ADGRD1: variants seen among roughly 807,000 people sequenced by gnomAD.
ADGRD1 encodes adhesion G protein-coupled receptor D1.
In ADGRD1, 77 loss-of-function variants were observed where a neutral mutation model predicts 113.4. That is an observed-to-expected ratio of 0.68 (90% CI 0.57 to 0.82). The LOEUF (loss-of-function observed/expected upper bound fraction) is 0.82. Ranked by LOEUF, ADGRD1 falls within the 40% of genes least tolerant of loss-of-function variation. The pLI is 0.00. For missense variants in ADGRD1, 1,036 were observed against 1,139.1 expected (o/e 0.91, Z 1.30); for synonymous variants, 474 against 475.0 (o/e 1.00, Z 0.03).
chr12:131,008,528 T>G (rs1220338356), intron 12 of ADGRD1, among the ~76,000 whole-genome samples: 1 of 152,204 alleles, frequency 6.6e-6, no homozygotes, highest in Non-Finnish European at 1.5e-5. Context: ...GAAGGAACTT[T>G]TGTCTCCACA....
chr12:131,015,893 C>T (rs1878515078), intron 13 of ADGRD1, among the ~76,000 whole-genome samples: 1 of 152,228 alleles, frequency 6.6e-6, no homozygotes, highest in Admixed American at 6.5e-5. Context: ...TGCTACTTAC[C>T]TATTCAAAGA....
rs1386519643 is a variant in ADGRD1 at position 131,139,240 on chromosome 12, C to T, written c.2602C>T (p.Arg868Cys). 13 of 1,612,818 alleles carry T rather than the reference C, an allele frequency of 8.1e-6. No homozygotes were observed. The highest frequency in any genetic ancestry group is 4.0e-5 in the African/African-American group (3 of 74,942). ...GGACAAGAGCAGCCACTCTGCCCAC[C>T]GCGTCGACCTGTCAGCCGTGTGAGC... ...PWDKSSHSAH[R>C]VDLSAV Residue 868 changes from arginine (R) to cysteine (C), a missense_variant, in exon 25 of 25, where the codon CGC becomes TGC. By Grantham distance (180) the Arg-to-Cys change is radical. Transcript: ENST00000261654.
chr12:131,089,533 GATACCCCCTGCCTGCAA>G (rs994079619), intron 15 of ADGRD1, among the ~76,000 whole-genome samples: 1 of 152,066 alleles, frequency 6.6e-6, no homozygotes, highest in African/African-American at 2.4e-5. Context: ...TTAACTGTTG[GATACCCCCTGCCTGCAA>G]GTGCTCCCTG....
intron 19 of ADGRD1, among the ~76,000 whole-genome samples, chr12:131,120,246 G>T (rs1281015684): frequency 1.3e-5 from 2 of 152,130 alleles, no homozygotes; most frequent in East Asian, 1.9e-4. Context: ...GGGACTCTTC[G>T]GCTCTTGACA....
chr12:131,073,014 C>T (rs570413983), intron 13 of ADGRD1, among the ~76,000 whole-genome samples: 2 of 152,232 alleles, frequency 1.3e-5, no homozygotes, highest in Non-Finnish European at 2.9e-5. Flanking sequence ...TGCCCCTGCT[C>T]TACTGGGCCA....
chr12:131,071,410 C>G (rs568980513), intron 13 of ADGRD1, among the ~76,000 whole-genome samples: 1 of 151,794 alleles, frequency 6.6e-6, no homozygotes, highest in South Asian at 2.1e-4. Context: ...GTGAGTGGGG[C>G]GAGGCCACTG....
At position 131,057,367 on chromosome 12, in the gene ADGRD1, C is replaced by T. The variant is rs916165572; in HGVS notation, c.1474-19434C>T. ...GTGGAGAAAAGGGGCCAGATGGCAG[C>T]GGAGCCGAGTCTGCGCTGCTGTGGC... On this transcript the variant is annotated intron_variant, in intron 13 of 24. Coordinates refer to ENST00000261654, the MANE Select transcript of ADGRD1 (RefSeq NM_198827.5). The surrounding 1 kb of genome is among the most constrained non-coding windows in gnomAD (Gnocchi z 4.2). Among the ~76,000 whole-genome samples, 7 of 152,146 alleles carry T rather than the reference C, an allele frequency of 4.6e-5. No individual in the cohort carries two copies. The highest frequency in any genetic ancestry group is 1.4e-4 in the African/African-American group (6 of 41,422).
rs376262792 is a variant in ADGRD1 at position 131,079,239 on chromosome 12, C to T, written c.1547+2365C>T. On this transcript the variant is annotated intron_variant, in intron 14 of 24. Transcript: ENST00000261654. ...GGGGTATTCCGTTACATGGATGTAC[C>T]GTAGTTTATTTATCTTCTCCCGAGT... Among the ~76,000 whole-genome samples, 55 of 152,204 alleles carry T rather than the reference C, an allele frequency of 3.6e-4. 1 individual carries two copies. In the South Asian group the frequency reaches 9.8e-3, roughly 27 times the overall value.
chr12:131,029,325 T>A (rs1880343610), intron 13 of ADGRD1, among the ~76,000 whole-genome samples: 1 of 152,146 alleles, frequency 6.6e-6, no homozygotes, highest in Non-Finnish European at 1.5e-5. Flanking sequence ...TGCCTCCCCC[T>A]CCTCTGCTCC....
intron 13 of ADGRD1, among the ~76,000 whole-genome samples, chr12:131,016,143 G>C (rs1878542933): frequency 1.3e-5 from 2 of 152,224 alleles, no homozygotes; most frequent in South Asian, 4.1e-4. Flanking sequence ...TCTGCGGCCT[G>C]CACAGAAGGG....
intron 13 of ADGRD1, 155 bp from the exon 14 acceptor site, chr12:131,076,646 G>A: frequency 1.5e-6 from 1 of 685,422 alleles, no homozygotes; most frequent in Non-Finnish European, 2.6e-6. Context: ...GGTGATGTGG[G>A]ACCACACCCA....
At position 130,980,261 on chromosome 12, in the gene ADGRD1, C is replaced by T. The variant is rs189700079; in HGVS notation, c.311-1623C>T. On this transcript the variant is annotated intron_variant, in intron 4 of 24. Transcript: ENST00000261654. ...CTGGGACGACAGGCACCTGCCACCACGCCTGGCTAATTTTTTGTATTTTTA... is the reference window on the plus strand; with the variant it reads ...CTGGGACGACAGGCACCTGCCACCATGCCTGGCTAATTTTTTGTATTTTTA... Among the ~76,000 whole-genome samples, 365 of 151,894 alleles carry T rather than the reference C, an allele frequency of 2.4e-3. 1 individual carries two copies. The highest frequency in any genetic ancestry group is 8.4e-3 in the African/African-American group (347 of 41,406).
chr12:131,021,734 G>GTC (rs948709269), intron 13 of ADGRD1, among the ~76,000 whole-genome samples: 5 of 152,152 alleles, frequency 3.3e-5, no homozygotes, highest in Non-Finnish European at 5.9e-5. Flanking sequence ...TTGAGACAGA[G>GTC]TCTCTCTCTC....
intron 12 of ADGRD1, among the ~76,000 whole-genome samples, chr12:131,012,398 C>T (rs1878041880): frequency 6.6e-6 from 1 of 151,994 alleles, no homozygotes; most frequent in Non-Finnish European, 1.5e-5. Flanking sequence ...TGTTGTTACT[C>T]ACAGGCCTGA....
chr12:130,990,986 G>A (rs779398104), intron 6 of ADGRD1, 28 bp from the exon 7 acceptor site: 1 of 1,604,028 alleles, frequency 6.2e-7, no homozygotes, highest in Admixed American at 1.7e-5. Flanking sequence ...CCATGTTTTA[G>A]TCCTTAATCC....
At chr12:131,026,017 CTG>C (rs1457840547) in intron 13 of ADGRD1, 1 of 152,256 alleles carries the variant, frequency 6.6e-6, no homozygotes, top group Non-Finnish European at 1.5e-5. Flanking sequence ...GGACACGTGA[CTG>C]TGTCACTGTG....
intron 13 of ADGRD1, among the ~76,000 whole-genome samples, chr12:131,017,638 AC>A (rs1473226758): frequency 6.7e-6 from 1 of 149,756 alleles, no homozygotes; most frequent in Admixed American, 6.6e-5. Context: ...GTGCACACAC[AC>A]CCAGCACAGA....
chr12:131,104,660 G>C (rs2137324117), intron 15 of ADGRD1, among the ~76,000 whole-genome samples, 171 bp from the exon 16 acceptor site: 1 of 152,278 alleles, frequency 6.6e-6, no homozygotes, highest in Admixed American at 6.5e-5. Flanking sequence ...TGCAACCCCA[G>C]CACCGGCCTC....
chr12:131,046,166 G>GCC (rs1217626037), intron 13 of ADGRD1, among the ~76,000 whole-genome samples: 1 of 144,998 alleles, frequency 6.9e-6, no homozygotes, highest in Non-Finnish European at 1.5e-5. Flanking sequence ...CCTGGTCAGT[G>GCC]TCCTTCCTGG....
Sources: allele counts gnomAD v4.1 joint callset (sites outside exome capture counted in the v4.1 genomes callset), GRCh38; gene constraint gnomAD v4.1.1; non-coding constraint Gnocchi (gnomAD v3.1); transcripts MANE v1.5; gene names NCBI Gene and HGNC (gene_info 2026-07-23, HGNC 2026-07-21).